The following MAST4 variants were observed in gnomAD, a reference collection of about 807,000 sequenced individuals.
The protein encoded by MAST4 is microtubule associated serine/threonine kinase family member 4, also known as microtubule-associated serine/threonine-protein kinase 4.
In MAST4, 89 loss-of-function variants were observed where a neutral mutation model predicts 162.7. That is an observed-to-expected ratio of 0.55 (90% CI 0.46 to 0.65). The LOEUF (loss-of-function observed/expected upper bound fraction) is 0.65. Among genes scored for constraint, MAST4 ranks in the 30% least tolerant of loss-of-function variants. The pLI, the probability that MAST4 is intolerant of heterozygous loss-of-function variation, is 0.00. For synonymous variants in MAST4, 1,479 were observed against 1,361.1 expected (o/e 1.09, Z -1.91); for missense variants, 3,153 against 3,374.0 (o/e 0.93, Z 1.62).
chr5:66,828,035 C>G (rs2149748995), intron 3 of MAST4, among the ~76,000 whole-genome samples: 1 of 152,314 alleles, frequency 6.6e-6, no homozygotes, highest in South Asian at 2.1e-4. Context: ...ATACACTATA[C>G]ATAGGTTAAA....
intron 4 of MAST4, among the ~76,000 whole-genome samples, chr5:66,928,397 T>C (rs1765061934): frequency 6.6e-6 from 1 of 152,200 alleles, no homozygotes; most frequent in African/African-American, 2.4e-5. Context: ...GAGAGGACAA[T>C]TGAAGGGTTC....
intron 1 of MAST4, among the ~76,000 whole-genome samples, chr5:66,618,033 T>TTGG (rs1554035637): frequency 7.0e-6 from 1 of 143,672 alleles, no homozygotes; most frequent in South Asian, 2.3e-4. Flanking sequence ...CTGGGAGGAA[T>TTGG]GGGGGGGGGG....
chr5:66,991,239 T>C (rs1157989457), intron 4 of MAST4, among the ~76,000 whole-genome samples: 1 of 152,182 alleles, frequency 6.6e-6, no homozygotes, highest in Non-Finnish European at 1.5e-5. Context: ...TTGAAAAAAA[T>C]TCAGTAGTTT....
At chr5:66,606,215 T>C (rs554926774) in intron 1 of MAST4, among the ~76,000 whole-genome samples, 6 of 147,840 alleles carry the variant, frequency 4.1e-5, no homozygotes, top group Non-Finnish European at 8.8e-5. Flanking sequence ...TTAAACAGAA[T>C]GTTTGGGGGC....
intron 1 of MAST4, among the ~76,000 whole-genome samples, chr5:66,754,066 A>C (rs1328803010): frequency 1.3e-5 from 2 of 152,052 alleles, no homozygotes; most frequent in African/African-American, 2.4e-5. Context: ...GATTATATCA[A>C]TAGATGCAGA....
At chr5:67,112,779 AG>A (rs1766401113) in intron 11 of MAST4, among the ~76,000 whole-genome samples, 1 of 152,122 alleles carries the variant, frequency 6.6e-6, no homozygotes, top group Non-Finnish European at 1.5e-5. Context: ...TTCATTACAT[AG>A]GCATGTTTGA....
rs779295850 is a variant in MAST4, at chr5:67,153,574, A to G, written c.3642A>G (p.Leu1214=). Residue 1214 remains leucine, a synonymous_variant, in exon 26 of 29, where the codon CTA becomes CTG. Transcript: ENST00000403625. The part of the protein sequence containing the change: ...GLVHTEVIEL[L]LKSGNKVSIT... ...TCCACACAGAAGTTATAGAACTCCTACTGAAGGTATTGTATGTTTTATGTC... is the reference window on the plus strand; with the variant it reads ...TCCACACAGAAGTTATAGAACTCCTGCTGAAGGTATTGTATGTTTTATGTC... 4.4e-6 allele frequency: 7 copies of G among 1,581,746 alleles called. No homozygotes were observed. Among genetic ancestry groups the G allele is most frequent in the African/African-American group, 2.7e-5 (2 of 74,238 alleles).
At chr5:66,628,716 G>C (rs575304375) in intron 1 of MAST4, among the ~76,000 whole-genome samples, 1 of 152,108 alleles carries the variant, frequency 6.6e-6, no homozygotes, top group Non-Finnish European at 1.5e-5. Flanking sequence ...GGAAGAGGAG[G>C]GCCAAAACTT....
chr5:67,119,244 G>A (rs1311558995), intron 13 of MAST4, among the ~76,000 whole-genome samples: 3 of 152,106 alleles, frequency 2.0e-5, no homozygotes, highest in African/African-American at 4.8e-5. Flanking sequence ...CAGAGTTATG[G>A]CTTGAAAAAA....
intron 1 of MAST4, among the ~76,000 whole-genome samples, chr5:66,654,038 A>G (rs922416153): frequency 1.3e-5 from 2 of 152,212 alleles, no homozygotes; most frequent in African/African-American, 4.8e-5. Context: ...CCATTGTTAA[A>G]TGAATCAGAT....
In MAST4 at chr5:66,954,325, T is replaced by G. The variant is rs552946059; in HGVS notation, c.674+54343T>G. Among the ~76,000 whole-genome samples the G allele has an allele frequency of 5.3e-5, 8 of 152,330 alleles. No individual in the cohort carries two copies. The East Asian group carries it at 1.5e-3, about 29-fold the overall frequency. ...CAATTCTCCATTTTCTTAAGACCAC[T>G]CTTTGAGGTCATTGCTCTGACACTG... On this transcript the variant is annotated intron_variant, in intron 4 of 28. Coordinates refer to ENST00000403625, the MANE Select transcript of MAST4 (RefSeq NM_001164664.2).
At chr5:67,018,549 AAAACTTGTAAG>A (rs1484008388) in intron 4 of MAST4, among the ~76,000 whole-genome samples, 9 of 152,218 alleles carry the variant, frequency 5.9e-5, no homozygotes, top group Non-Finnish European at 1.3e-4. Context: ...ACATAGATGA[AAAACTTGTAAG>A]AAACCAGATA....
At chr5:66,838,778 T>C (rs1580600235) in intron 3 of MAST4, among the ~76,000 whole-genome samples, 1 of 152,108 alleles carries the variant, frequency 6.6e-6, no homozygotes. Flanking sequence ...CTGAACAGGG[T>C]GCATCTTTTT....
intron 1 of MAST4, among the ~76,000 whole-genome samples, chr5:66,600,014 T>G (rs1020525260): frequency 1.3e-5 from 2 of 152,200 alleles, no homozygotes; most frequent in Non-Finnish European, 2.9e-5. Context: ...GCAGTGCTAA[T>G]TTCTTTGGCA....
intron 1 of MAST4, among the ~76,000 whole-genome samples, chr5:66,657,786 A>T (rs1447472660): frequency 6.6e-6 from 1 of 152,132 alleles, no homozygotes; most frequent in Non-Finnish European, 1.5e-5. Context: ...GTGGTTACTG[A>T]TGGTTGTACA....
At chr5:66,755,345 T>C (rs184648442) in intron 1 of MAST4, among the ~76,000 whole-genome samples, 320 of 152,362 alleles carry the variant, frequency 2.1e-3, no homozygotes, top group African/African-American at 7.4e-3. Context: ...TTTCTGCTTA[T>C]ATGACCACTG....
intron 4 of MAST4, among the ~76,000 whole-genome samples, chr5:66,980,849 A>T (rs1748717312): frequency 6.6e-6 from 1 of 152,170 alleles, no homozygotes; most frequent in Admixed American, 6.5e-5. Flanking sequence ...TAGAAAGTGT[A>T]GGTATTCTGG....
chr5:67,006,592 C>G (rs1752067425), intron 4 of MAST4, among the ~76,000 whole-genome samples: 1 of 152,198 alleles, frequency 6.6e-6, no homozygotes, highest in Non-Finnish European at 1.5e-5. Context: ...TTACCTGGAA[C>G]CAGTTCTTAG....
chr5:67,169,514 CGTCATAATT>C lies in MAST4; in HGVS notation c.*2466_*2474del, dbSNP rs1442336374. On this transcript the variant is annotated 3_prime_UTR_variant, in exon 29 of 29. Coordinates refer to ENST00000403625, the MANE Select transcript of MAST4 (RefSeq NM_001164664.2). ...TTTTCTCTAAGAAATTCCTTATGGA[CGTCATAATT>C]GTTGTATATTGAACAAAATATTTAT... 1 of 152,096 alleles carries C rather than the reference CGTCATAATT, an allele frequency of 6.6e-6. No homozygotes were observed. The highest frequency in any genetic ancestry group is 1.5e-5 in the Non-Finnish European group (1 of 68,026). The allele number at this position is 152,096 out of a possible 1,614,324, so 9.4% of individuals were successfully genotyped here.
Sources: gnomAD v4.1 joint callset for allele counts (sites outside exome capture counted in the v4.1 genomes callset) on GRCh38, gnomAD v4.1.1 for gene constraint, MANE v1.5 for transcripts, NCBI Gene and HGNC (gene_info 2026-07-23, HGNC 2026-07-21) for gene names.